The following RNF152 variants were observed in gnomAD, a reference collection of about 807,000 sequenced individuals.
The protein encoded by RNF152 is E3 ubiquitin-protein ligase RNF152.
RNF152 carries 11 observed loss-of-function variants against 12.7 expected under a neutral mutation model. That is an observed-to-expected ratio of 0.86 (90% confidence interval 0.54 to 1.43). RNF152 has a LOEUF of 1.43. RNF152 is among the 40% of genes most tolerant of loss of function. The pLI is 0.00. For missense variants in RNF152, 255 were observed against 274.8 expected, an observed-to-expected ratio of 0.93 and a Z score of 0.51; for synonymous variants, 113 against 120.3, an observed-to-expected ratio of 0.94 and a Z score of 0.40.
chr18:61,832,576 C>G (rs1909999289), intron 1 of RNF152, among the ~76,000 whole-genome samples: 1 of 152,102 alleles, frequency 6.6e-6, no homozygotes, highest in African/African-American at 2.4e-5. Context: ...AAAAAATTCT[C>G]AATAACTTAT....
chr18:61,810,820 T>C lies in RNF152; in HGVS notation c.*5032A>G, dbSNP rs1156960121. 6.6e-6 allele frequency: 1 copy of C among 152,156 alleles called. No individual in the cohort carries two copies. The highest frequency in any genetic ancestry group is 2.4e-5 in the African/African-American group (1 of 41,440). The allele number at this position is 152,156 out of a possible 1,614,324, so 9.4% of individuals were successfully genotyped here. A position where few individuals can be genotyped will look rare whatever the true frequency, so the allele number is the denominator to read the frequency against. On this transcript the variant is annotated 3_prime_UTR_variant, in exon 2 of 2. Coordinates refer to ENST00000312828, the MANE Select transcript of RNF152 (RefSeq NM_173557.3). Reference sequence around the variant, plus strand: ...TAAGAATTACCTTGTAGGTGACAATTTACTGAGAATGATGGAAATGTCAAG... The same window carrying C: ...TAAGAATTACCTTGTAGGTGACAATCTACTGAGAATGATGGAAATGTCAAG...
At chr18:61,869,276 G>A (rs1314961785) in intron 1 of RNF152, among the ~76,000 whole-genome samples, 1 of 152,196 alleles carries the variant, frequency 6.6e-6, no homozygotes, top group African/African-American at 2.4e-5. Flanking sequence ...GTCAAAAGCT[G>A]TCAGGGGTCT....
rs1214548455 is a variant in RNF152 at position 61,860,764 on chromosome 18, T to A, written c.-136+32031A>T. On this transcript the variant is annotated intron_variant, in intron 1 of 1. Transcript: ENST00000312828. Reference sequence around the variant, plus strand: ...AAGAAGGCACTGCTGTCACAGGAAATAACAGCTCCATGCGTGTATTACCCT... The same window carrying A: ...AAGAAGGCACTGCTGTCACAGGAAAAAACAGCTCCATGCGTGTATTACCCT... 2.6e-5 allele frequency among the ~76,000 whole-genome samples: 4 copies of A among 152,258 alleles called. No homozygotes were observed. In the East Asian group the frequency reaches 7.7e-4, roughly 29 times the overall value.
intron 1 of RNF152, among the ~76,000 whole-genome samples, chr18:61,866,303 T>C (rs1243285403): frequency 6.6e-6 from 1 of 152,184 alleles, no homozygotes; most frequent in Non-Finnish European, 1.5e-5. Context: ...AGATGCCTTA[T>C]ACACGGGGAC....
intron 1 of RNF152, among the ~76,000 whole-genome samples, chr18:61,867,292 A>G (rs1047682653): frequency 2.6e-4 from 39 of 152,206 alleles, no homozygotes; most frequent in African/African-American, 9.4e-4. Flanking sequence ...CTCTACTAAA[A>G]ATACAGAAAA....
intron 1 of RNF152, among the ~76,000 whole-genome samples, chr18:61,831,900 T>C (rs1909967923): frequency 1.4e-5 from 2 of 147,470 alleles, no homozygotes; most frequent in African/African-American, 4.9e-5. Context: ...TAAATAATAT[T>C]ATAAATATAG....
chr18:61,809,845 C>G lies in RNF152; in HGVS notation c.*6007G>C, dbSNP rs1236108586. 7.9e-6 allele frequency: 1 copy of G among 126,560 alleles called. No homozygotes were observed. The highest frequency in any genetic ancestry group is 3.1e-5 in the African/African-American group (1 of 32,774). 7.8% of individuals were successfully genotyped at this position (126,560 alleles called of 1,614,324 possible). A position where few individuals can be genotyped will look rare whatever the true frequency, so the allele number is the denominator to read the frequency against. ...GATATATATAGTGGGATACCCCAGG[C>G]AGTGAATCCTGAAAAAAAAAAAAAA... On this transcript the variant is annotated 3_prime_UTR_variant, in exon 2 of 2. Transcript: ENST00000312828.
intron 1 of RNF152, among the ~76,000 whole-genome samples, chr18:61,850,088 G>A (rs1199553991): frequency 6.6e-6 from 1 of 152,144 alleles, no homozygotes; most frequent in Non-Finnish European, 1.5e-5. Context: ...ACCTAACTGT[G>A]GATTCTACCT....
intron 1 of RNF152, among the ~76,000 whole-genome samples, chr18:61,835,336 T>C (rs1190689788): frequency 6.6e-6 from 1 of 152,214 alleles, no homozygotes; most frequent in Non-Finnish European, 1.5e-5. Flanking sequence ...AAAACAAGAA[T>C]GAGAAAGAAG....
chr18:61,816,431 T>C lies in RNF152; in HGVS notation c.33A>G (p.Glu11=), dbSNP rs1413979011. 1 of 1,609,958 alleles carries C rather than the reference T, an allele frequency of 6.2e-7. No homozygotes were observed. The highest frequency in any genetic ancestry group is 1.1e-5 in the South Asian group (1 of 90,960). The change falls in exon 2 of 2, where the codon GAA becomes GAG. Residue 11 remains glutamate (E), a synonymous_variant. Coordinates refer to ENST00000312828, the MANE Select transcript of RNF152 (RefSeq NM_173557.3). Reference sequence around the variant, plus strand: ...TGTAGTAATTGAAACAGATCTGACATTCCAGCAGAGAGTCCTGGGACAGCG... The same window carrying C: ...TGTAGTAATTGAAACAGATCTGACACTCCAGCAGAGAGTCCTGGGACAGCG... METLSQDSLL[E]CQICFNYYSP...
chr18:61,869,303 C>T (rs529369927), intron 1 of RNF152, among the ~76,000 whole-genome samples: 5 of 152,318 alleles, frequency 3.3e-5, no homozygotes, highest in Admixed American at 3.3e-4. Context: ...AATCATACTT[C>T]CAAGCAACTC....
rs1912974695 is a variant in RNF152, at chr18:61,811,426, A to G, written c.*4426T>C. On this transcript the variant is annotated 3_prime_UTR_variant, in exon 2 of 2. Transcript: ENST00000312828. ...TTCATGGGCAGTATTTTTTACTGTT[A>G]AAAAAAGTGCTTTTGTGCAAAGCTT... 1 of 152,192 alleles carries G rather than the reference A, an allele frequency of 6.6e-6. No homozygotes were observed. The highest frequency in any genetic ancestry group is 2.1e-4 in the South Asian group (1 of 4,830). The allele number at this position is 152,192 out of a possible 1,614,324, so 9.4% of individuals were successfully genotyped here.
chr18:61,878,142 A>G (rs1376457137), intron 1 of RNF152, among the ~76,000 whole-genome samples: 1 of 152,228 alleles, frequency 6.6e-6, no homozygotes, highest in Non-Finnish European at 1.5e-5. Flanking sequence ...AACCAGTCAC[A>G]TGGCCCCACC....
chr18:61,854,409 C>A (rs1911125778), intron 1 of RNF152, among the ~76,000 whole-genome samples: 1 of 152,196 alleles, frequency 6.6e-6, no homozygotes, highest in Non-Finnish European at 1.5e-5. Context: ...AAGACATACA[C>A]ACAGCAACAG....
At chr18:61,834,760 T>C (rs2144656913) in intron 1 of RNF152, among the ~76,000 whole-genome samples, 1 of 152,344 alleles carries the variant, frequency 6.6e-6, no homozygotes, top group Middle Eastern at 3.4e-3. Context: ...GATTCATACA[T>C]TATCAGTATG....
chr18:61,836,232 G>A (rs576491899), intron 1 of RNF152, among the ~76,000 whole-genome samples: 4 of 152,200 alleles, frequency 2.6e-5, no homozygotes, highest in South Asian at 4.2e-4. Flanking sequence ...GTGCCATCAC[G>A]TGGGGACATG....
intron 1 of RNF152, among the ~76,000 whole-genome samples, chr18:61,859,679 G>A (rs1414770935): frequency 6.6e-6 from 1 of 152,190 alleles, no homozygotes; most frequent in African/African-American, 2.4e-5. Flanking sequence ...AGGAGTTCAA[G>A]ACCAGACTGG....
chr18:61,859,109 T>A (rs565871939), intron 1 of RNF152, among the ~76,000 whole-genome samples: 9 of 152,238 alleles, frequency 5.9e-5, no homozygotes, highest in African/African-American at 2.2e-4. Context: ...CTACAAGTCA[T>A]CACCACCATT....
intron 1 of RNF152, among the ~76,000 whole-genome samples, chr18:61,837,043 T>C (rs1910220470): frequency 6.6e-6 from 1 of 152,174 alleles, no homozygotes; most frequent in Non-Finnish European, 1.5e-5. Context: ...GCACCCTCAA[T>C]AATGGAAGAG....
Sources: allele counts gnomAD v4.1 joint callset (sites outside exome capture counted in the v4.1 genomes callset), GRCh38; gene constraint gnomAD v4.1.1; transcripts MANE v1.5; gene names NCBI Gene and HGNC (gene_info 2026-07-23, HGNC 2026-07-21).